Variants in TRIOBP observed in about 807,000 individuals in gnomAD.
The protein encoded by TRIOBP is TRIO and F-actin binding protein, also known as TRIO and F-actin-binding protein.
In TRIOBP, 169 loss-of-function variants were observed where a neutral mutation model predicts 238.8. That is an observed-to-expected ratio of 0.71 (90% CI 0.62 to 0.80). The LOEUF (loss-of-function observed/expected upper bound fraction) is 0.80, where lower values mean the gene tolerates loss of function less well. Ranked by LOEUF, TRIOBP falls within the 30% of genes least tolerant of loss-of-function variation. The pLI is 0.00. For synonymous variants in TRIOBP, 1,150 were observed against 1,274.4 expected, an observed-to-expected ratio of 0.90 and a Z score of 2.08; for missense variants, 2,838 against 3,122.6, an observed-to-expected ratio of 0.91 and a Z score of 2.17.
intron 6 of TRIOBP, 78 bp from the exon 7 acceptor site, chr22:37,723,107 T>A (rs893483111): frequency 1.5e-5 from 23 of 1,499,200 alleles, no homozygotes; most frequent in Non-Finnish European, 2.1e-5. Context: ...TCACTGGTCC[T>A]AAGGGACAAA....
Position 37,725,570 on chromosome 22 carries a change from C to G in TRIOBP, c.3014C>G (p.Thr1005Ser). ...VYPAAYGAPL[T>S]SPEPSQPPCA... ...CCCGCTGCCTATGGGGCTCCCCTGA[C>G]CTCTCCTGAGCCCTCCCAGCCTCCA... The change falls in exon 7 of 24, where the codon ACC (threonine) becomes AGC (serine). Residue 1005 changes from threonine (T) to serine (S), a missense_variant. By Grantham distance (58) the Thr-to-Ser change is moderately conservative (BLOSUM62 1). Coordinates refer to ENST00000644935, the MANE Select transcript of TRIOBP (RefSeq NM_001039141.3). 1 of 1,613,834 alleles carries G rather than the reference C, an allele frequency of 6.2e-7. No homozygotes were observed. The highest frequency in any genetic ancestry group is 8.5e-7 in the Non-Finnish European group (1 of 1,179,998).
chr22:37,746,284 C>G, intron 11 of TRIOBP: 5 of 1,078,376 alleles, frequency 4.6e-6, no homozygotes, highest in South Asian at 4.3e-5. Context: ...AAGGAAGGGC[C>G]GGAGGCGCGG....
chr22:37,743,840 TGTGTGCTGGGTGTGTGTGA>T (rs1925075317), intron 11 of TRIOBP, among the ~76,000 whole-genome samples: 1 of 121,432 alleles, frequency 8.2e-6, no homozygotes, highest in African/African-American at 3.6e-5. Flanking sequence ...TGTGTGTGTG[TGTGTGCTGGGTGTGTGTGA>T]GTGTGTGCTG....
At chr22:37,700,035 C>T (rs539993839) in intron 2 of TRIOBP, among the ~76,000 whole-genome samples, 14 of 151,912 alleles carry the variant, frequency 9.2e-5, no homozygotes, top group Non-Finnish European at 2.1e-4. Context: ...CGTGCTACCA[C>T]GCCCAGCTAA....
rs57799594 is a variant in TRIOBP at position 37,759,490 on chromosome 22, A to G, written c.6324+226A>G. The G allele has an allele frequency of 0.019, 30,991 of 1,603,498 alleles. 4,560 individuals carry two copies. In the African/African-American group the frequency reaches 0.34, roughly 17 times the overall value. ...TCTGAGAGGTTATGTGACTTGCCCA[A>G]GGTCACCCCGCCTGCAGGTCTCAAA... On this transcript the variant is annotated intron_variant, in intron 17 of 23. Transcript: ENST00000644935.
At chr22:37,755,762 C>A (rs891327536) in intron 15 of TRIOBP, 103 bp downstream of exon 15, 11 of 919,604 alleles carry the variant, frequency 1.2e-5, no homozygotes, top group South Asian at 1.1e-4. Context: ...TCTGGGCCCT[C>A]GTTTCTCTGT....
At chr22:37,700,376 C>T (rs1922582775) in intron 2 of TRIOBP, among the ~76,000 whole-genome samples, 1 of 150,930 alleles carries the variant, frequency 6.6e-6, no homozygotes, top group Non-Finnish European at 1.5e-5. Context: ...CTCCTGGGCT[C>T]AAGAGATCCT....
chr22:37,749,745 G>A (rs1324389207), intron 11 of TRIOBP, among the ~76,000 whole-genome samples: 1 of 113,492 alleles, frequency 8.8e-6, no homozygotes, highest in African/African-American at 3.5e-5. Context: ...TCAGGAGTTT[G>A]AAACCAACCT....
At position 37,715,924 on chromosome 22, in the gene TRIOBP, G is replaced by GA. The variant is rs902222580; in HGVS notation, c.623dup (p.Glu209GlyfsTer66). 1 of 1,612,686 alleles carries GA rather than the reference G, an allele frequency of 6.2e-7. No individual in the cohort carries two copies. On this transcript the variant is annotated frameshift_variant, in exon 6 of 24. Coordinates refer to ENST00000644935, the MANE Select transcript of TRIOBP (RefSeq NM_001039141.3). LOFTEE classifies it high-confidence loss of function. The stretch of plus-strand genomic sequence containing the variant: ...CTGTGGGAGGAGATGCTGCAGGCCA[G>GA]AAAAAGGAGGGTGAGTCCTTCTGCC...
intron 11 of TRIOBP, among the ~76,000 whole-genome samples, chr22:37,744,616 C>T (rs1438330025): frequency 6.6e-6 from 1 of 152,080 alleles, no homozygotes; most frequent in Non-Finnish European, 1.5e-5. Context: ...GGACCAGGAC[C>T]CTGGTGGTAG....
rs777701434 is a variant in TRIOBP, at chr22:37,757,596, C to T, written c.5688-17C>T. 16 of 1,567,734 alleles carry T rather than the reference C, an allele frequency of 1.0e-5. No individual in the cohort carries two copies. In the African/African-American group the frequency reaches 1.2e-4, roughly 12 times the overall value. On this transcript the variant is annotated splice_polypyrimidine_tract_variant and intron_variant, in intron 15 of 23. Transcript: ENST00000644935. ...AGGGGTGAGGACCCACCTGACGTGG[C>T]TCTGCTGGTGCCCTAGGCTCTCGGA...
chr22:37,754,859 A>C lies in TRIOBP; in HGVS notation c.5380-18A>C, dbSNP rs1270972678. ...TACAATCACACACACTGGCTCTTTCATTCCATCCTCCTTGCAGCCTCCCTC... is the reference window on the plus strand; with the variant it reads ...TACAATCACACACACTGGCTCTTTCCTTCCATCCTCCTTGCAGCCTCCCTC... On this transcript the variant is annotated intron_variant, in intron 12 of 23. Coordinates refer to ENST00000644935, the MANE Select transcript of TRIOBP (RefSeq NM_001039141.3). 6.2e-7 allele frequency: 1 copy of C among 1,612,836 alleles called. No individual in the cohort carries two copies.
chr22:37,713,323 G>A lies in TRIOBP; in HGVS notation c.368G>A (p.Cys123Tyr). 6.2e-7 allele frequency: 1 copy of A among 1,614,038 alleles called. No homozygotes were observed. Among genetic ancestry groups the A allele is most frequent in the African/African-American group, 1.3e-5 (1 of 75,058 alleles). Residue 123 changes from cysteine to tyrosine, a missense_variant, in exon 5 of 24, where the codon TGT becomes TAT. Physicochemically the swap from Cys to Tyr is radical, Grantham distance 194 (BLOSUM62 -2). Coordinates refer to ENST00000644935, the MANE Select transcript of TRIOBP (RefSeq NM_001039141.3). ...PYLEGLTTSL[C>Y]GSCNEDPGSD... ...CTGGAGGGCCTGACCACTTCCTTGT[G>A]TGGCAGCTGCAACGAGGACCCCGGC...
chr22:37,746,185 T>G, intron 11 of TRIOBP: 1 of 1,004,316 alleles, frequency 1.0e-6, no homozygotes, highest in Non-Finnish European at 1.2e-6. Context: ...CCGCCACCCA[T>G]TGGCCCGCTC....
intron 4 of TRIOBP, among the ~76,000 whole-genome samples, chr22:37,712,719 G>A (rs1923312861): frequency 6.6e-6 from 1 of 151,840 alleles, no homozygotes. Context: ...CACTTTGGGA[G>A]TCCGAGACGG....
rs139919698 is a variant in TRIOBP, at chr22:37,734,833, T to G, written c.4497T>G (p.Thr1499=). Residue 1499 remains threonine, a synonymous_variant, in exon 9 of 24, where the codon ACT becomes ACG. Coordinates refer to ENST00000644935, the MANE Select transcript of TRIOBP (RefSeq NM_001039141.3). ...GQPEAWEEKP[T]HELPRELGKR... ...CAGAGGCCTGGGAGGAGAAGCCCAC[T>G]CATGAGCTCCCCAGAGAACTAGGAA... 109 of 1,612,536 alleles carry G rather than the reference T, an allele frequency of 6.8e-5. 2 individuals are homozygous for G. The African/African-American group carries it at 1.2e-3, about 18-fold the overall frequency.
rs747351498 is a variant in TRIOBP at position 37,769,343 on chromosome 22, C to T, written c.6817C>T (p.Arg2273Cys). ...ASQGMGNGCG[R>C]SNERSSCELE... ...GCAGGGCATGGGCAATGGCTGCGGG[C>T]GCAGCAACGAGCGGAGTTCCTGCGA... The change falls in exon 21 of 24, where the codon CGC becomes TGC. Residue 2273 changes from arginine to cysteine, a missense_variant. Arg to Cys is a radical substitution (Grantham distance 180). Around this residue, in one of 5 missense-constraint regions of TRIOBP, gnomAD observed 2,096 missense variants for 2,137.4 expected, o/e 0.98. Transcript: ENST00000644935. 46 of 1,609,914 alleles carry T rather than the reference C, an allele frequency of 2.9e-5. No individual in the cohort carries two copies. Among genetic ancestry groups the T allele is most frequent in the Admixed American group, 3.3e-5 (2 of 59,804 alleles).
chr22:37,765,702 G>A lies in TRIOBP; in HGVS notation c.6357G>A (p.Glu2119=), dbSNP rs1926454855. The A allele has an allele frequency of 5.1e-6, 8 of 1,553,880 alleles. No individual in the cohort carries two copies. The Admixed American group carries it at 1.4e-4, about 27-fold the overall frequency. ...EACERSLAEM[E]SSHQQVMEEL... Reference sequence around the variant, plus strand: ...GTGAGCGCAGCCTGGCAGAGATGGAGTCCTCGCACCAGCAGGTGATGGAGG... The same window carrying A: ...GTGAGCGCAGCCTGGCAGAGATGGAATCCTCGCACCAGCAGGTGATGGAGG... The change falls in exon 18 of 24, where the codon GAG becomes GAA. Residue 2119 remains glutamate (E), a synonymous_variant. Coordinates refer to ENST00000644935, the MANE Select transcript of TRIOBP (RefSeq NM_001039141.3).
chr22:37,767,945 A>G (rs1926582090), intron 18 of TRIOBP, 129 bp from the exon 19 acceptor site: 1 of 764,998 alleles, frequency 1.3e-6, no homozygotes, highest in Admixed American at 2.0e-5. Context: ...CCAAGTCCAT[A>G]GTACTTGCAT....
Sources: allele counts gnomAD v4.1 joint callset (sites outside exome capture counted in the v4.1 genomes callset), GRCh38; gene constraint gnomAD v4.1.1; regional missense constraint gnomAD v4.1.1; transcripts MANE v1.5; gene names NCBI Gene and HGNC (gene_info 2026-07-23, HGNC 2026-07-21).